The following FHIT variants were observed in gnomAD, a reference collection of about 807,000 sequenced individuals.
The protein encoded by FHIT is bis(5'-adenosyl)-triphosphatase.
In FHIT, 19 loss-of-function variants were observed where a neutral mutation model predicts 17.9. The observed-to-expected ratio is 1.06, with a 90% CI of 0.74 to 1.56. The LOEUF is 1.56. FHIT is among the 40% of genes most tolerant of loss of function. FHIT has a pLI of 0.00. For synonymous variants in FHIT, 81 were observed against 69.7 expected, an observed-to-expected ratio of 1.16 and a Z score of -0.81; for missense variants, 248 against 189.2, an observed-to-expected ratio of 1.31 and a Z score of -1.82.
In FHIT at chr3:60,058,419, G is replaced by A. The variant is rs543711708; in HGVS notation, c.104-44267C>T. Among the ~76,000 whole-genome samples, 18 of 152,234 alleles carry A rather than the reference G, an allele frequency of 1.2e-4. No homozygotes were observed. The East Asian group carries it at 2.1e-3, about 18-fold the overall frequency. ...GTTGGGATTACAGGCGTGAGCCACCGTGCTGACCGTGTACAGAGTTTCTAT... is the reference window on the plus strand; with the variant it reads ...GTTGGGATTACAGGCGTGAGCCACCATGCTGACCGTGTACAGAGTTTCTAT... On this transcript the variant is annotated intron_variant, in intron 5 of 9. Coordinates refer to ENST00000492590, the MANE Select transcript of FHIT (RefSeq NM_002012.4).
intron 7 of FHIT, among the ~76,000 whole-genome samples, chr3:59,928,725 G>A (rs144500743): frequency 1.1e-4 from 17 of 152,240 alleles, no homozygotes; most frequent in African/African-American, 2.4e-4. Context: ...GGCCGGGTGC[G>A]GCGGCTCACG....
chr3:61,132,024 G>T (rs1278728421), intron 2 of FHIT, among the ~76,000 whole-genome samples: 1 of 152,218 alleles, frequency 6.6e-6, no homozygotes, highest in East Asian at 1.9e-4. Context: ...AATTGAGGTA[G>T]AATAGGGATG....
At chr3:61,209,393 A>G (rs2039374956) in intron 1 of FHIT, among the ~76,000 whole-genome samples, 1 of 152,190 alleles carries the variant, frequency 6.6e-6, no homozygotes, top group Non-Finnish European at 1.5e-5. Flanking sequence ...GTTCTCCTGA[A>G]TGATATCCTG....
chr3:60,605,448 G>T (rs570256334), intron 4 of FHIT, among the ~76,000 whole-genome samples: 1 of 152,180 alleles, frequency 6.6e-6, no homozygotes, highest in Non-Finnish European at 1.5e-5. Flanking sequence ...TTAGGACAAA[G>T]AAGTGTACGG....
chr3:61,103,047 A>G (rs953337814), intron 2 of FHIT, among the ~76,000 whole-genome samples: 6 of 152,190 alleles, frequency 3.9e-5, no homozygotes, highest in East Asian at 1.9e-4. Context: ...TTGTGTCTCT[A>G]TCTCTTTCAG....
At chr3:59,804,667 C>T (rs1285970665) in intron 8 of FHIT, among the ~76,000 whole-genome samples, 1 of 152,116 alleles carries the variant, frequency 6.6e-6, no homozygotes, top group Non-Finnish European at 1.5e-5. Context: ...ATTTACTTGG[C>T]GTATGCCCTA....
intron 4 of FHIT, among the ~76,000 whole-genome samples, chr3:60,753,309 TAA>T (rs1471931579): frequency 2.4e-4 from 37 of 152,294 alleles, no homozygotes; most frequent in African/African-American, 8.7e-4. Context: ...TCCAATCCAT[TAA>T]TTCTTTTATT....
intron 5 of FHIT, among the ~76,000 whole-genome samples, chr3:60,229,111 G>C (rs535147664): frequency 5.3e-5 from 8 of 152,118 alleles, no homozygotes; most frequent in African/African-American, 1.9e-4. Context: ...CTCAGGGACA[G>C]TGCCCTCAAG....
intron 5 of FHIT, among the ~76,000 whole-genome samples, chr3:60,179,979 T>G (rs1299927600): frequency 2.0e-5 from 3 of 152,188 alleles, no homozygotes; most frequent in Non-Finnish European, 4.4e-5. Flanking sequence ...AGCCCAACCT[T>G]GGAGGCAATC....
intron 5 of FHIT, among the ~76,000 whole-genome samples, chr3:60,075,286 A>G (rs1702955619): frequency 6.6e-6 from 1 of 152,048 alleles, no homozygotes; most frequent in African/African-American, 2.4e-5. Context: ...GTGATGGGGT[A>G]TGGGCACAAA....
At chr3:59,894,847 G>T (rs1048632080) in intron 8 of FHIT, among the ~76,000 whole-genome samples, 1 of 152,122 alleles carries the variant, frequency 6.6e-6, no homozygotes, top group Non-Finnish European at 1.5e-5. Context: ...AGGAAACCTT[G>T]GTTTCATCCC....
intron 3 of FHIT, among the ~76,000 whole-genome samples, chr3:60,894,051 A>G (rs983707126): frequency 2.4e-4 from 36 of 151,946 alleles, no homozygotes; most frequent in Non-Finnish European, 4.7e-4. Flanking sequence ...GGTTCTGACA[A>G]CCTCTAAATT....
chr3:60,191,524 C>T (rs909338834), intron 5 of FHIT, among the ~76,000 whole-genome samples: 2 of 152,216 alleles, frequency 1.3e-5, no homozygotes, highest in South Asian at 2.1e-4. Context: ...ATCATAAAGC[C>T]GTAGTGATTA....
chr3:60,948,300 G>A (rs1708724942), intron 3 of FHIT, among the ~76,000 whole-genome samples: 1 of 152,168 alleles, frequency 6.6e-6, no homozygotes, highest in South Asian at 2.1e-4. Context: ...TACAATGTTG[G>A]TAAGGTGGAT....
rs868464268 is a variant in FHIT, at chr3:60,265,812, C to A, written c.104-251660G>T. Among the ~76,000 whole-genome samples the A allele has an allele frequency of 8.6e-5, 13 of 151,512 alleles. No individual in the cohort carries two copies. In the Admixed American group the frequency reaches 8.6e-4, roughly 10 times the overall value. ...AAACAAGATACTCAGATGGCCAATACGCAAATGAAAAGATACTCAGCATTA... is the reference window on the plus strand; with the variant it reads ...AAACAAGATACTCAGATGGCCAATAAGCAAATGAAAAGATACTCAGCATTA... On this transcript the variant is annotated intron_variant, in intron 5 of 9. Coordinates refer to ENST00000492590, the MANE Select transcript of FHIT (RefSeq NM_002012.4).
intron 4 of FHIT, among the ~76,000 whole-genome samples, chr3:60,699,846 CA>C (rs2041200587): frequency 6.6e-6 from 1 of 151,448 alleles, no homozygotes; most frequent in Non-Finnish European, 1.5e-5. Context: ...ACAAATTAAA[CA>C]AAAATGCACA....
At chr3:61,103,551 C>T (rs150517534) in intron 2 of FHIT, among the ~76,000 whole-genome samples, 12,652 of 152,160 alleles carry the variant, frequency 0.083, 610 homozygotes, top group East Asian at 0.12. Context: ...GTGGAGAGTT[C>T]TGTAGATGTC....
intron 4 of FHIT, among the ~76,000 whole-genome samples, chr3:60,805,361 T>A (rs1361937899): frequency 1.3e-5 from 2 of 152,076 alleles, no homozygotes; most frequent in African/African-American, 4.8e-5. Context: ...GCAGATTCTG[T>A]TTCTCCTGAG....
At chr3:60,012,339 G>A (rs1428608956) in intron 6 of FHIT, among the ~76,000 whole-genome samples, 2 of 149,918 alleles carry the variant, frequency 1.3e-5, no homozygotes, top group Non-Finnish European at 3.0e-5. Context: ...CATGATGGCG[G>A]CTCACTGCAC....
Sources: allele counts gnomAD v4.1 joint callset (sites outside exome capture counted in the v4.1 genomes callset), GRCh38; gene constraint gnomAD v4.1.1; transcripts MANE v1.5; gene names NCBI Gene and HGNC (gene_info 2026-07-23, HGNC 2026-07-21).